WNK1: variants seen among roughly 807,000 people sequenced by gnomAD.
The protein encoded by WNK1 is WNK lysine deficient protein kinase 1, also known as serine/threonine-protein kinase WNK1.
A neutral mutation model predicts 222.8 loss-of-function variants in WNK1; 38 were observed. That is an observed-to-expected ratio of 0.17 (90% confidence interval 0.13 to 0.22). The LOEUF (loss-of-function observed/expected upper bound fraction) is 0.22. Among genes scored for constraint, WNK1 ranks in the 10% least tolerant of loss-of-function variants. WNK1 has a pLI of 1.00. For missense variants in WNK1, 2,348 were observed against 2,918.4 expected, an observed-to-expected ratio of 0.80 and a Z score of 4.50; for synonymous variants, 1,090 against 1,092.9, an observed-to-expected ratio of 1.00 and a Z score of 0.05.
At chr12:773,587 A>G (rs78815937) in intron 1 of WNK1, among the ~76,000 whole-genome samples, 1 of 152,350 alleles carries the variant, frequency 6.6e-6, no homozygotes, top group African/African-American at 2.4e-5. Flanking sequence ...CAATGTCGAT[A>G]TAGCATTTAG....
At chr12:846,078 T>G (rs1234331452) in intron 4 of WNK1, among the ~76,000 whole-genome samples, 1 of 152,220 alleles carries the variant, frequency 6.6e-6, no homozygotes, top group Admixed American at 6.5e-5. Flanking sequence ...AACATTAACA[T>G]TATTTTCCTT....
At chr12:843,052 C>T (rs2154044795) in intron 4 of WNK1, among the ~76,000 whole-genome samples, 1 of 152,320 alleles carries the variant, frequency 6.6e-6, no homozygotes, top group Admixed American at 6.5e-5. Context: ...TCTCCTGCCT[C>T]AGCCTCCCAG....
intron 4 of WNK1, among the ~76,000 whole-genome samples, chr12:848,897 T>C (rs915077296): frequency 2.0e-5 from 3 of 152,204 alleles, no homozygotes; most frequent in Admixed American, 2.0e-4. Flanking sequence ...TACCTTTGTC[T>C]CCTCAAGCCC....
chr12:822,659 ACTC>A (rs1267669622), intron 2 of WNK1, among the ~76,000 whole-genome samples: 6 of 151,094 alleles, frequency 4.0e-5, no homozygotes, highest in Non-Finnish European at 8.9e-5. Flanking sequence ...ATACAGCCTC[ACTC>A]CTCCTTCCCA....
intron 1 of WNK1, among the ~76,000 whole-genome samples, chr12:768,833 C>T (rs541951631): frequency 1.0e-3 from 152 of 150,844 alleles, no homozygotes; most frequent in African/African-American, 3.4e-3. Context: ...TTTTTTGAGA[C>T]GGAGTCTTGC....
intron 2 of WNK1, among the ~76,000 whole-genome samples, chr12:815,778 A>G (rs72648619): frequency 7.9e-5 from 12 of 152,102 alleles, no homozygotes; most frequent in South Asian, 2.1e-4. Flanking sequence ...CTAAAATACA[A>G]TGGTTTACTT....
At chr12:757,080 A>G (rs1308665094) in intron 1 of WNK1, among the ~76,000 whole-genome samples, 1 of 152,008 alleles carries the variant, frequency 6.6e-6, no homozygotes, top group East Asian at 1.9e-4. Flanking sequence ...ATGAAGCAAT[A>G]TTGTGTTGGT....
intron 4 of WNK1, among the ~76,000 whole-genome samples, chr12:840,289 A>G (rs901157557): frequency 8.5e-6 from 1 of 117,096 alleles, no homozygotes; most frequent in African/African-American, 3.2e-5. Context: ...CACCATGTCC[A>G]GCTTTTTTTT....
At chr12:808,218 G>A (rs997233847) in intron 1 of WNK1, among the ~76,000 whole-genome samples, 1 of 152,108 alleles carries the variant, frequency 6.6e-6, no homozygotes, top group Non-Finnish European at 1.5e-5. Context: ...TTATGTGAAT[G>A]ACTAGGTATG....
At chr12:784,438 C>T (rs1944062277) in intron 1 of WNK1, among the ~76,000 whole-genome samples, 1 of 151,662 alleles carries the variant, frequency 6.6e-6, no homozygotes, top group Non-Finnish European at 1.5e-5. Context: ...TTAATTTTTG[C>T]CTTTGATGTG....
At chr12:886,324 T>C (rs1953648587) in intron 19 of WNK1, among the ~76,000 whole-genome samples, 1 of 152,158 alleles carries the variant, frequency 6.6e-6, no homozygotes, top group South Asian at 2.1e-4. Context: ...GATGGTATAA[T>C]TATCGGGTAA....
At chr12:785,352 T>C (rs553823428) in intron 1 of WNK1, among the ~76,000 whole-genome samples, 1 of 152,170 alleles carries the variant, frequency 6.6e-6, no homozygotes, top group East Asian at 1.9e-4. Context: ...CTGTTACATA[T>C]ATGTTGGTTC....
intron 1 of WNK1, among the ~76,000 whole-genome samples, chr12:800,110 C>T (rs1349339381): frequency 6.6e-6 from 1 of 152,068 alleles, no homozygotes; most frequent in East Asian, 1.9e-4. Flanking sequence ...GACTACTGCA[C>T]TCCAGTCTGG....
intron 4 of WNK1, among the ~76,000 whole-genome samples, chr12:831,408 C>T (rs1948782044): frequency 6.6e-6 from 1 of 151,924 alleles, no homozygotes; most frequent in African/African-American, 2.4e-5. Context: ...CGTGGTGGTG[C>T]ACCCCTGTAA....
intron 1 of WNK1, among the ~76,000 whole-genome samples, chr12:756,006 CTT>C (rs1939970647): frequency 6.6e-6 from 1 of 152,138 alleles, no homozygotes; most frequent in Non-Finnish European, 1.5e-5. Context: ...AACAAAAAAA[CTT>C]ATGTCCGATT....
chr12:856,108 G>A (rs1450969309), intron 4 of WNK1, among the ~76,000 whole-genome samples: 1 of 151,598 alleles, frequency 6.6e-6, no homozygotes, highest in African/African-American at 2.4e-5. Flanking sequence ...CAAAGTGCTG[G>A]GATTACAGGT....
At position 827,395 on chromosome 12, in the gene WNK1, T is replaced by G; in HGVS notation, c.1153+133T>G. On this transcript the variant is annotated intron_variant, in intron 3 of 27. Transcript: ENST00000315939. This position sits in a 1 kb window ranked among gnomAD's most constrained non-coding sequence, Gnocchi z 4.6. ...AGCTTGAACTCAGGAGGTGATCCATTGTACTTATGAGATATAGGATTCTCT... is the reference window on the plus strand; with the variant it reads ...AGCTTGAACTCAGGAGGTGATCCATGGTACTTATGAGATATAGGATTCTCT... The G allele has an allele frequency of 1.3e-6, 1 of 768,542 alleles. No individual in the cohort carries two copies. Among genetic ancestry groups the G allele is most frequent in the Non-Finnish European group, 2.3e-6 (1 of 441,020 alleles). 47.6% of individuals were successfully genotyped at this position (768,542 alleles called of 1,614,324 possible).
intron 2 of WNK1, among the ~76,000 whole-genome samples, chr12:825,522 ATACAAG>A (rs775435015): frequency 1.3e-5 from 2 of 152,194 alleles, no homozygotes; most frequent in Non-Finnish European, 2.9e-5. Context: ...TTCATATCTT[ATACAAG>A]TACAAGATTA....
chr12:907,154 T>C (rs1955779366), intron 26 of WNK1, among the ~76,000 whole-genome samples: 1 of 151,320 alleles, frequency 6.6e-6, no homozygotes, highest in African/African-American at 2.4e-5. Flanking sequence ...AAACCCTGTC[T>C]CTACTAAAAT....
Sources: allele counts gnomAD v4.1 joint callset (sites outside exome capture counted in the v4.1 genomes callset), GRCh38; gene constraint gnomAD v4.1.1; non-coding constraint Gnocchi (gnomAD v3.1); transcripts MANE v1.5; gene names NCBI Gene and HGNC (gene_info 2026-07-23, HGNC 2026-07-21).